Variants in ATP11B observed in about 807,000 individuals in gnomAD.
ATP11B encodes phospholipid-transporting ATPase IF.
ATP11B carries 81 observed loss-of-function variants against 157.8 expected under a neutral mutation model. The ratio of observed to expected loss-of-function variants is 0.51; its 90% confidence interval spans 0.43 to 0.62. The LOEUF (loss-of-function observed/expected upper bound fraction) is 0.62. Ranked by LOEUF, ATP11B falls within the 20% of genes least tolerant of loss-of-function variation. The pLI is 0.00. For synonymous variants in ATP11B, 451 were observed against 469.4 expected (o/e 0.96, Z 0.51); for missense variants, 1,165 against 1,402.2 (o/e 0.83, Z 2.70).
rs1455176156 is a variant in ATP11B, at chr3:182,887,693, A to G, written c.2823A>G (p.Gln941=). The G allele has an allele frequency of 2.5e-6, 4 of 1,611,190 alleles. No homozygotes were observed. The highest frequency in any genetic ancestry group is 3.4e-6 in the Non-Finnish European group (4 of 1,179,342). ...LEQHVDPHVL[Q]NKPTLYRDIS... ...AGCATGTAGACCCTCATGTGTTACA[A>G]AATAAGCCCACCCTTTATCGGTAAG... is the stretch of plus-strand genomic sequence containing the variant. Residue 941 remains glutamine (Q), a synonymous_variant, in exon 24 of 30, where the codon CAA becomes CAG. Coordinates refer to ENST00000323116, the MANE Select transcript of ATP11B (RefSeq NM_014616.3).
chr3:182,824,522 T>C (rs547640086), intron 2 of ATP11B, among the ~76,000 whole-genome samples: 8 of 152,344 alleles, frequency 5.3e-5, no homozygotes, highest in African/African-American at 1.7e-4. Context: ...GTTTTTAAAA[T>C]GTAATCTTTA....
Position 182,913,850 on chromosome 3 carries a change from A to G in ATP11B, c.3319-11A>G. On this transcript the variant is annotated splice_polypyrimidine_tract_variant and intron_variant, in intron 28 of 29. Transcript: ENST00000323116. ...TTAAACAACTGATGTTTTCTGCTTC[A>G]CCTCCCGCAGCTTACTGAAACAAAT... The G allele has an allele frequency of 6.2e-7, 1 of 1,613,888 alleles. No homozygotes were observed. The highest frequency in any genetic ancestry group is 1.1e-5 in the South Asian group (1 of 91,080).
chr3:182,827,366 G>A (rs921962819), intron 2 of ATP11B, among the ~76,000 whole-genome samples: 2 of 152,016 alleles, frequency 1.3e-5, no homozygotes, highest in African/African-American at 4.8e-5. Flanking sequence ...CTGATTTAAT[G>A]TTTATAGGAA....
intron 28 of ATP11B, chr3:182,902,510 C>T (rs1394567609): frequency 3.9e-6 from 5 of 1,289,164 alleles, no homozygotes; most frequent in African/African-American, 3.0e-5. Context: ...CTTTAAGTGA[C>T]GAGTTCATCG....
chr3:182,902,587 C>T (rs182020344), intron 28 of ATP11B: 3 of 1,266,608 alleles, frequency 2.4e-6, no homozygotes, highest in East Asian at 1.1e-4. Context: ...AGGAGTAGAG[C>T]CTCATTAACT....
At chr3:182,839,321 G>A (rs532299912) in intron 7 of ATP11B, among the ~76,000 whole-genome samples, 1 of 152,118 alleles carries the variant, frequency 6.6e-6, no homozygotes, top group Non-Finnish European at 1.5e-5. Context: ...AAAAATAACT[G>A]TTGGGTACTA....
intron 3 of ATP11B, among the ~76,000 whole-genome samples, chr3:182,829,054 C>T (rs550127509): frequency 6.6e-6 from 1 of 152,206 alleles, no homozygotes; most frequent in South Asian, 2.1e-4. Context: ...CAAGGAACTT[C>T]TGATTTTCTG....
At chr3:182,881,179 T>C (rs984464459) in intron 21 of ATP11B, among the ~76,000 whole-genome samples, 198 bp downstream of exon 21, 1 of 152,212 alleles carries the variant, frequency 6.6e-6, no homozygotes, top group Non-Finnish European at 1.5e-5. Flanking sequence ...CTCACGCCTG[T>C]AATCCCAGCA....
chr3:182,867,301 G>T, intron 14 of ATP11B, 75 bp from the exon 15 acceptor site: 1 of 863,998 alleles, frequency 1.2e-6, no homozygotes. Context: ...TTTTATTCAA[G>T]TTAAGCTATA....
chr3:182,802,817 C>G (rs909317584), intron 1 of ATP11B, among the ~76,000 whole-genome samples: 2 of 152,120 alleles, frequency 1.3e-5, no homozygotes, highest in Admixed American at 6.5e-5. Context: ...GTTTTGTTCT[C>G]CATTTAACAA....
intron 8 of ATP11B, among the ~76,000 whole-genome samples, chr3:182,844,835 C>G (rs534143716): frequency 6.6e-6 from 1 of 152,112 alleles, no homozygotes; most frequent in South Asian, 2.1e-4. Context: ...GCTGCTTACT[C>G]TTTGATTTTG....
At position 182,845,472 on chromosome 3, in the gene ATP11B, A is replaced by G. The variant is rs1719441686; in HGVS notation, c.719A>G (p.Glu240Gly). ...TTTTTTCCTAGACCTCTGGGGCCGGAGAGTCTCCTGCTTCGTGGAGCCAGA... is the reference window on the plus strand; with the variant it reads ...TTTTTTCCTAGACCTCTGGGGCCGGGGAGTCTCCTGCTTCGTGGAGCCAGA... Reference protein sequence around the residue: ...MEEIVRPLGPESLLLRGARLK... With the variant: ...MEEIVRPLGPGSLLLRGARLK... The change falls in exon 9 of 30, where the codon GAG becomes GGG. Residue 240 changes from glutamate (E) to glycine (G), a missense_variant. Glu to Gly is a moderately conservative substitution (Grantham distance 98). This residue lies in a region of ATP11B where 737 missense variants were observed against 930.5 expected (regional missense o/e 0.79). Transcript: ENST00000323116. 1 of 1,600,228 alleles carries G rather than the reference A, an allele frequency of 6.2e-7. No individual in the cohort carries two copies. The highest frequency in any genetic ancestry group is 8.5e-7 in the Non-Finnish European group (1 of 1,176,936).
chr3:182,840,336 C>T (rs1718909291), intron 7 of ATP11B, among the ~76,000 whole-genome samples: 1 of 152,064 alleles, frequency 6.6e-6, no homozygotes, highest in African/African-American at 2.4e-5. Context: ...GTTAGAGTGC[C>T]CCAGGACTTG....
At chr3:182,882,359 T>C (rs1722485454) in intron 21 of ATP11B, among the ~76,000 whole-genome samples, 1 of 152,110 alleles carries the variant, frequency 6.6e-6, no homozygotes, top group African/African-American at 2.4e-5. Flanking sequence ...TTTAAAACAG[T>C]TTAATTCTGT....
chr3:182,807,566 A>G (rs1438517957), intron 1 of ATP11B, among the ~76,000 whole-genome samples: 3 of 152,306 alleles, frequency 2.0e-5, no homozygotes, highest in Middle Eastern at 6.8e-3. Context: ...AATTATTTTG[A>G]CATTTGAGAA....
chr3:182,892,502 G>A (rs867094357), intron 25 of ATP11B, among the ~76,000 whole-genome samples: 1 of 152,274 alleles, frequency 6.6e-6, no homozygotes, highest in Middle Eastern at 3.4e-3. Flanking sequence ...TCCTGGGAGA[G>A]GAGCAGGAGG....
intron 27 of ATP11B, among the ~76,000 whole-genome samples, chr3:182,898,198 T>TCGTGAGTA (rs1179958440): frequency 6.6e-6 from 1 of 152,178 alleles, no homozygotes; most frequent in African/African-American, 2.4e-5. Flanking sequence ...AAACTAGTAT[T>TCGTGAGTA]CGTGAGTACA....
rs768008126 is a variant in ATP11B at position 182,879,667 on chromosome 3, A to T, written c.2406+18A>T. On this transcript the variant is annotated intron_variant, in intron 20 of 29. Coordinates refer to ENST00000323116, the MANE Select transcript of ATP11B (RefSeq NM_014616.3). The stretch of plus-strand genomic sequence containing the variant: ...AAGCAAAAGTATGTATATATGTTAT[A>T]AAAAAGTCCCATAAAGCTATTTAGA... 25 of 1,584,172 alleles carry T rather than the reference A, an allele frequency of 1.6e-5. No individual in the cohort carries two copies. The East Asian group carries it at 4.5e-4, about 28-fold the overall frequency.
At chr3:182,873,219 T>A (rs1439415854) in intron 18 of ATP11B, among the ~76,000 whole-genome samples, 1 of 152,248 alleles carries the variant, frequency 6.6e-6, no homozygotes, top group African/African-American at 2.4e-5. Context: ...AATGTCTGTT[T>A]CACAGTTTCT....
Sources: gnomAD v4.1 joint callset for allele counts (sites outside exome capture counted in the v4.1 genomes callset) on GRCh38, gnomAD v4.1.1 for gene constraint, gnomAD v4.1.1 regional missense constraint, MANE v1.5 for transcripts, NCBI Gene and HGNC (gene_info 2026-07-23, HGNC 2026-07-21) for gene names.